TNFRSF1A: variants seen among roughly 807,000 people sequenced by gnomAD.
TNFRSF1A encodes the protein TNF receptor superfamily member 1A, also known as tumor necrosis factor receptor superfamily member 1A.
A neutral mutation model predicts 41.6 loss-of-function variants in TNFRSF1A; 9 were observed. The ratio of observed to expected loss-of-function variants is 0.22; its 90% CI spans 0.13 to 0.38. The LOEUF (loss-of-function observed/expected upper bound fraction) is 0.38, where lower values mean the gene tolerates loss of function less well. TNFRSF1A is among the 10% of genes least tolerant of loss of function. TNFRSF1A has a pLI of 1.00. For missense variants in TNFRSF1A, 463 were observed against 591.5 expected (o/e 0.78, Z 2.25); for synonymous variants, 254 against 248.6 (o/e 1.02, Z -0.21).
intron 5 of TNFRSF1A, among the ~76,000 whole-genome samples, chr12:6,332,727 T>A (rs1271343625): frequency 1.3e-5 from 2 of 152,190 alleles, no homozygotes; most frequent in Admixed American, 1.3e-4. Flanking sequence ...AGCTGCCAAT[T>A]CAACCATGAT....
intron 7 of TNFRSF1A, 50 bp from the exon 8 acceptor site, chr12:6,330,345 C>T (rs200118700): frequency 8.0e-5 from 126 of 1,567,446 alleles, no homozygotes; most frequent in Admixed American, 1.0e-4. Context: ...TCTCTCAGCC[C>T]TGGCACCCTG....
At position 6,330,121 on chromosome 12, in the gene TNFRSF1A, C is replaced by A. The variant is rs4149645; in HGVS notation, c.769-55G>T. 4.7e-3 allele frequency: 7,530 copies of A among 1,612,436 alleles called. 302 individuals carry two copies. In the African/African-American group the frequency reaches 0.087, roughly 19 times the overall value. On this transcript the variant is annotated intron_variant, in intron 8 of 9. Coordinates refer to ENST00000162749, the MANE Select transcript of TNFRSF1A (RefSeq NM_001065.4). ...TGCGGCAGCGAAAACCAGCCCCGGC[C>A]CTCTTTATTCTACGTGGGGGTTGGG...
At chr12:6,338,191 C>T (rs4149579) in intron 1 of TNFRSF1A, among the ~76,000 whole-genome samples, 7,469 of 152,168 alleles carry the variant, frequency 0.049, 222 homozygotes, top group Non-Finnish European at 0.075. Flanking sequence ...CTTAACATGC[C>T]CCAGACGGAA....
In TNFRSF1A at chr12:6,330,260, A is replaced by G; in HGVS notation, c.768+7T>C. The G allele has an allele frequency of 6.2e-7, 1 of 1,614,180 alleles. No individual in the cohort carries two copies. Among genetic ancestry groups the G allele is most frequent in the East Asian group, 2.2e-5 (1 of 44,890 alleles). Reference sequence around the variant, plus strand: ...CATTTGGGAGTAACTCTCTCATTTCATCTCACCTCTTTTTCAGGTGTCGAT... The same window carrying G: ...CATTTGGGAGTAACTCTCTCATTTCGTCTCACCTCTTTTTCAGGTGTCGAT... On this transcript the variant is annotated splice_region_variant and intron_variant, in intron 8 of 9. Transcript: ENST00000162749.
At chr12:6,335,243 T>C (rs971282359) in intron 1 of TNFRSF1A, among the ~76,000 whole-genome samples, 2 of 151,268 alleles carry the variant, frequency 1.3e-5, no homozygotes, top group Admixed American at 6.6e-5. Context: ...CAAGGACAAA[T>C]GGGGAGGAGA....
At chr12:6,330,550 C>A in intron 7 of TNFRSF1A, 48 bp downstream of exon 7, 1 of 1,427,820 alleles carries the variant, frequency 7.0e-7, no homozygotes, top group African/African-American at 1.4e-5. Flanking sequence ...CACCCATGTC[C>A]TCCCTCACCC....
At chr12:6,336,621 C>T (rs139210950) in intron 1 of TNFRSF1A, among the ~76,000 whole-genome samples, 6 of 152,330 alleles carry the variant, frequency 3.9e-5, no homozygotes, top group South Asian at 4.1e-4. Context: ...CATTCCATCC[C>T]GAAGGGAAGT....
At chr12:6,335,897 C>G (rs1239128134) in intron 1 of TNFRSF1A, among the ~76,000 whole-genome samples, 1 of 152,188 alleles carries the variant, frequency 6.6e-6, no homozygotes, top group Non-Finnish European at 1.5e-5. Context: ...ACAACAGCAG[C>G]CCCCGCAGGT....
rs772311545 is a variant in TNFRSF1A, at chr12:6,329,656, C to T, written c.1058-34G>A. ...ACGCGGGCCGGTGAGCCTCGGGCGG[C>T]AACCCCAGGCCCCGCCCCGCATCCC... On this transcript the variant is annotated intron_variant, in intron 9 of 9. Transcript: ENST00000162749. The T allele has an allele frequency of 3.2e-6, 5 of 1,573,456 alleles. 1 individual carries two copies. The highest frequency in any genetic ancestry group is 4.3e-6 in the Non-Finnish European group (5 of 1,162,008).
At chr12:6,340,018 G>T (rs113108437) in intron 1 of TNFRSF1A, among the ~76,000 whole-genome samples, 4 of 152,176 alleles carry the variant, frequency 2.6e-5, no homozygotes, top group Non-Finnish European at 5.9e-5. Flanking sequence ...ACCCCAGGAC[G>T]CAGGCACTTC....
At chr12:6,329,671 C>A in intron 9 of TNFRSF1A, 49 bp from the exon 10 acceptor site, 2 of 1,545,154 alleles carry the variant, frequency 1.3e-6, no homozygotes, top group Non-Finnish European at 1.7e-6. Flanking sequence ...CCAGGCCCCG[C>A]CCCGCATCCC....
chr12:6,338,690 G>A (rs1948149942), intron 1 of TNFRSF1A, among the ~76,000 whole-genome samples: 1 of 151,618 alleles, frequency 6.6e-6, no homozygotes, highest in African/African-American at 2.4e-5. Flanking sequence ...ATGTAGTGGT[G>A]TGGTCAGGGC....
rs1031912094 is a variant in TNFRSF1A, at chr12:6,333,957, T to G, written c.194-92A>C. Reference sequence around the variant, plus strand: ...AACAGCCAGGGCCGATTCCCTGAAGTCTCTAGGAGAGGAGGGAGGGAGAAA... The same window carrying G: ...AACAGCCAGGGCCGATTCCCTGAAGGCTCTAGGAGAGGAGGGAGGGAGAAA... On this transcript the variant is annotated intron_variant, in intron 2 of 9. Transcript: ENST00000162749. The surrounding 1 kb of genome is among the most constrained non-coding windows in gnomAD (Gnocchi z 6.3). 3 of 1,608,492 alleles carry G rather than the reference T, an allele frequency of 1.9e-6. No individual in the cohort carries two copies. Among genetic ancestry groups the G allele is most frequent in the African/African-American group, 1.3e-5 (1 of 74,668 alleles).
At chr12:6,336,555 G>A (rs1045413016) in intron 1 of TNFRSF1A, among the ~76,000 whole-genome samples, 4 of 151,968 alleles carry the variant, frequency 2.6e-5, no homozygotes, top group Non-Finnish European at 5.9e-5. Context: ...AAAGAGCCAG[G>A]CCACAGACCC....
At chr12:6,335,663 T>A (rs1373627321) in intron 1 of TNFRSF1A, among the ~76,000 whole-genome samples, 1 of 152,134 alleles carries the variant, frequency 6.6e-6, no homozygotes, top group Non-Finnish European at 1.5e-5. Flanking sequence ...GTGTCCTCAA[T>A]GTCTGTTAAA....
intron 9 of TNFRSF1A, 29 bp downstream of exon 9, chr12:6,329,749 C>A (rs1198090152): frequency 5.7e-6 from 9 of 1,586,592 alleles, no homozygotes; most frequent in Non-Finnish European, 7.7e-6. Context: ...CCCCCAGCCT[C>A]CTCGTCTCCA....
At chr12:6,339,816 T>TTCTCTC (rs71450139) in intron 1 of TNFRSF1A, among the ~76,000 whole-genome samples, 25 of 139,334 alleles carry the variant, frequency 1.8e-4, no homozygotes, top group Middle Eastern at 3.7e-3. Flanking sequence ...CCTACCCCAC[T>TTCTCTC]TCTCTCTCTC....
chr12:6,329,644 A>G (rs1592043448), intron 9 of TNFRSF1A, 22 bp from the exon 10 acceptor site: 1 of 1,584,086 alleles, frequency 6.3e-7, no homozygotes. Context: ...CGGGCCGGTG[A>G]GCCTCGGGCG....
At position 6,329,039 on chromosome 12, in the gene TNFRSF1A, A is replaced by G. The variant is rs1947986390; in HGVS notation, c.*273T>C. On this transcript the variant is annotated 3_prime_UTR_variant, in exon 10 of 10. Transcript: ENST00000162749. ...CCCGAGCAGCCTTGCTGGTGAGGAC[A>G]CCCAAAACGGGCATGAGGCATAGCG... 2 of 394,980 alleles carry G rather than the reference A, an allele frequency of 5.1e-6. No homozygotes were observed. Among genetic ancestry groups the G allele is most frequent in the South Asian group, 2.6e-4 (2 of 7,778 alleles). 24.5% of individuals were successfully genotyped at this position (394,980 alleles called of 1,614,324 possible). A position where few individuals can be genotyped will look rare whatever the true frequency, so the allele number is the denominator to read the frequency against.
Sources: allele counts gnomAD v4.1 joint callset (sites outside exome capture counted in the v4.1 genomes callset), GRCh38; gene constraint gnomAD v4.1.1; non-coding constraint Gnocchi (gnomAD v3.1); transcripts MANE v1.5; gene names NCBI Gene and HGNC (gene_info 2026-07-23, HGNC 2026-07-21).